The following CACNA1C variants were observed in gnomAD, a reference collection of about 807,000 sequenced individuals.
The protein encoded by CACNA1C is calcium voltage-gated channel subunit alpha1 C.
Under a neutral mutation model 229.0 loss-of-function variants are expected in CACNA1C, and 30 were observed. That is an observed-to-expected ratio of 0.13 (90% CI 0.10 to 0.18). The LOEUF (loss-of-function observed/expected upper bound fraction) is 0.18. Among genes scored for constraint, CACNA1C ranks in the 10% least tolerant of loss-of-function variants. CACNA1C has a pLI of 1.00. For missense variants in CACNA1C, 1,658 were observed against 2,845.0 expected (o/e 0.58, Z 9.49); for synonymous variants, 1,114 against 1,132.5 (o/e 0.98, Z 0.33).
At chr12:2,141,997 T>C (rs935692715) in intron 3 of CACNA1C, among the ~76,000 whole-genome samples, 11 of 150,976 alleles carry the variant, frequency 7.3e-5, no homozygotes, top group African/African-American at 2.7e-4. Context: ...ATTCCTTCAT[T>C]TGGGGAGCAC....
intron 3 of CACNA1C, among the ~76,000 whole-genome samples, chr12:2,135,622 G>A (rs1341276144): frequency 1.4e-5 from 2 of 140,126 alleles, no homozygotes; most frequent in Admixed American, 7.0e-5. Context: ...GCTGCTCAGG[G>A]GTCAGGGGTC....
intron 3 of CACNA1C, among the ~76,000 whole-genome samples, chr12:2,121,212 C>T (rs571323184): frequency 5.3e-5 from 8 of 152,324 alleles, no homozygotes; most frequent in East Asian, 1.9e-4. Context: ...TCACTCTCCA[C>T]GTGATTTCCA....
rs1167414098 is a variant in CACNA1C at position 2,249,297 on chromosome 12, C to T, written c.477+128867C>T. On this transcript the variant is annotated intron_variant, in intron 3 of 46. Coordinates refer to ENST00000399655, the MANE Select transcript of CACNA1C (RefSeq NM_000719.7). ...GGTGAACTGGCGAACAGGCCACATC[C>T]GGCCTGCCATCTGCTTTTGTAAATA... 2.0e-5 allele frequency among the ~76,000 whole-genome samples: 3 copies of T among 152,160 alleles called. No individual in the cohort carries two copies. In the East Asian group the frequency reaches 5.8e-4, roughly 29 times the overall value.
intron 3 of CACNA1C, among the ~76,000 whole-genome samples, chr12:2,359,776 G>A (rs1044867741): frequency 2.6e-5 from 4 of 152,072 alleles, no homozygotes; most frequent in Non-Finnish European, 5.9e-5. Context: ...GGAGGGTTAG[G>A]ACATGGAGAC....
intron 9 of CACNA1C, among the ~76,000 whole-genome samples, chr12:2,540,987 C>T (rs1483944284): frequency 6.6e-6 from 1 of 152,134 alleles, no homozygotes; most frequent in African/African-American, 2.4e-5. Flanking sequence ...GAAAAGGGGT[C>T]AGTCCCCAGG....
intron 5 of CACNA1C, among the ~76,000 whole-genome samples, chr12:2,469,323 G>A (rs879362950): frequency 2.0e-5 from 3 of 152,138 alleles, no homozygotes; most frequent in African/African-American, 7.2e-5. Context: ...TTTATTCAGA[G>A]ACTACTATCT....
chr12:2,309,426 A>G (rs1187510036), intron 3 of CACNA1C, among the ~76,000 whole-genome samples: 3 of 152,068 alleles, frequency 2.0e-5, no homozygotes, highest in African/African-American at 4.8e-5. Context: ...TAAAAATACT[A>G]TGCTGTATAT....
chr12:2,083,504 C>G (rs929117573), intron 1 of CACNA1C, among the ~76,000 whole-genome samples: 15 of 152,202 alleles, frequency 9.9e-5, no homozygotes, highest in African/African-American at 2.9e-4. Flanking sequence ...ATTGGAGAAG[C>G]TGGGTTTATG....
At chr12:2,149,557 CTT>C (rs1343149355) in intron 3 of CACNA1C, among the ~76,000 whole-genome samples, 1 of 152,208 alleles carries the variant, frequency 6.6e-6, no homozygotes, top group Non-Finnish European at 1.5e-5. Flanking sequence ...GGGCTACTGA[CTT>C]TTCTGGTTTT....
intron 3 of CACNA1C, among the ~76,000 whole-genome samples, chr12:2,193,463 AC>A (rs2097304981): frequency 6.6e-6 from 1 of 150,416 alleles, no homozygotes; most frequent in South Asian, 2.1e-4. Flanking sequence ...TCAAAAAAAA[AC>A]AAAAAACAAA....
chr12:2,191,010 C>T (rs1356657295), intron 3 of CACNA1C, among the ~76,000 whole-genome samples: 2 of 152,284 alleles, frequency 1.3e-5, no homozygotes, highest in East Asian at 3.9e-4. Flanking sequence ...TGTGGCCCTG[C>T]CTTGTCCAGG....
upstream of CACNA1C, among the ~76,000 whole-genome samples, chr12:2,049,645 G>A (rs1487428712): frequency 1.3e-5 from 2 of 152,198 alleles, no homozygotes; most frequent in African/African-American, 4.8e-5. Context: ...AGGAAGAGGA[G>A]AGAAAAAGGC....
At chr12:2,063,101 T>C (rs1262090946) in intron 1 of CACNA1C, among the ~76,000 whole-genome samples, 2 of 152,050 alleles carry the variant, frequency 1.3e-5, no homozygotes, top group African/African-American at 4.8e-5. Flanking sequence ...CAACCATGAA[T>C]TTACTTTTGT....
intron 1 of CACNA1C, among the ~76,000 whole-genome samples, chr12:1,999,754 AAAC>A (rs2041759552): frequency 6.6e-6 from 1 of 152,192 alleles, no homozygotes; most frequent in Admixed American, 6.5e-5. Context: ...ATAACAATTA[AAAC>A]AACTTTAGCC....
intron 1 of CACNA1C, among the ~76,000 whole-genome samples, chr12:2,033,415 C>T (rs1767543769): frequency 6.6e-6 from 1 of 152,178 alleles, no homozygotes; most frequent in African/African-American, 2.4e-5. Context: ...CATTTTCTCT[C>T]CAAACCCAGG....
intron 5 of CACNA1C, among the ~76,000 whole-genome samples, chr12:2,470,750 C>G (rs1032076081): frequency 6.6e-6 from 1 of 152,214 alleles, no homozygotes; most frequent in Non-Finnish European, 1.5e-5. Context: ...TCAGCAAATA[C>G]TAGCTACTAG....
At chr12:2,440,808 C>T (rs965344681) in intron 3 of CACNA1C, among the ~76,000 whole-genome samples, 4 of 152,190 alleles carry the variant, frequency 2.6e-5, no homozygotes, top group African/African-American at 9.7e-5. Flanking sequence ...GATGGGTGTC[C>T]TGGTTTTTCT....
intron 3 of CACNA1C, among the ~76,000 whole-genome samples, chr12:2,315,817 A>C (rs546307687): frequency 6.6e-6 from 1 of 152,252 alleles, no homozygotes; most frequent in Non-Finnish European, 1.5e-5. Flanking sequence ...GCTTCCCCAG[A>C]ACAGAAATTT....
intron 3 of CACNA1C, among the ~76,000 whole-genome samples, chr12:2,189,188 G>T (rs571032415): frequency 1.3e-5 from 2 of 151,840 alleles, no homozygotes; most frequent in East Asian, 3.9e-4. Context: ...GAGAACACTG[G>T]TTCTCCTGGG....
Sources: gnomAD v4.1 joint callset for allele counts (sites outside exome capture counted in the v4.1 genomes callset) on GRCh38, gnomAD v4.1.1 for gene constraint, MANE v1.5 for transcripts, NCBI Gene and HGNC (gene_info 2026-07-23, HGNC 2026-07-21) for gene names.